COL21A1: variants seen among roughly 807,000 people sequenced by gnomAD.
COL21A1 encodes collagen alpha-1(XXI) chain.
In COL21A1, 149 loss-of-function variants were observed where a neutral mutation model predicts 137.9. That is an observed-to-expected ratio of 1.08 (90% CI 0.95 to 1.24). The LOEUF is 1.24. Ranked by LOEUF, COL21A1 falls within the 50% of genes most tolerant of loss-of-function variation. The pLI is 0.00. For missense variants in COL21A1, 1,167 were observed against 1,158.4 expected (o/e 1.01, Z -0.11); for synonymous variants, 456 against 391.5 (o/e 1.16, Z -1.95).
At chr6:56,062,802 C>G (rs1305870552) in intron 24 of COL21A1, among the ~76,000 whole-genome samples, 1 of 152,054 alleles carries the variant, frequency 6.6e-6, no homozygotes, top group Non-Finnish European at 1.5e-5. Context: ...GTGATCCTTA[C>G]AAGATATAAT....
At chr6:56,326,055 GTATTAA>G (rs1269295389) in intron 1 of COL21A1, among the ~76,000 whole-genome samples, 3 of 110,764 alleles carry the variant, frequency 2.7e-5, no homozygotes, top group Admixed American at 1.3e-4. Flanking sequence ...ATGTATACAA[GTATTAA>G]TATTAATACA....
chr6:56,331,427 C>T (rs191662985), intron 1 of COL21A1, among the ~76,000 whole-genome samples: 1 of 152,090 alleles, frequency 6.6e-6, no homozygotes, highest in East Asian at 1.9e-4. Context: ...ATATTTAAGT[C>T]ATTAATCCAT....
At chr6:56,123,910 T>C (rs577157937) in intron 16 of COL21A1, among the ~76,000 whole-genome samples, 152 bp downstream of exon 16, 1 of 152,342 alleles carries the variant, frequency 6.6e-6, no homozygotes, top group Admixed American at 6.5e-5. Context: ...TTCAGTAGCA[T>C]TTTTAAATTA....
intron 1 of COL21A1, among the ~76,000 whole-genome samples, chr6:56,284,548 A>G (rs4361616): frequency 0.86 from 130,615 of 152,040 alleles, 56,187 homozygotes; most frequent in East Asian, 0.91. Flanking sequence ...CCCCAATGTC[A>G]TTATTCTCCT....
intron 1 of COL21A1, among the ~76,000 whole-genome samples, chr6:56,270,308 A>C (rs1315217801): frequency 6.6e-6 from 1 of 152,250 alleles, no homozygotes; most frequent in African/African-American, 2.4e-5. Context: ...GACAACAATT[A>C]ATAAGGATAA....
intron 10 of COL21A1, among the ~76,000 whole-genome samples, chr6:56,152,443 G>T (rs1775396247): frequency 6.6e-6 from 1 of 152,060 alleles, no homozygotes. Flanking sequence ...CATCTTTGAG[G>T]GACCATTATT....
intron 28 of COL21A1, among the ~76,000 whole-genome samples, chr6:56,059,662 G>GA (rs764316025): frequency 8.7e-5 from 13 of 149,748 alleles, no homozygotes; most frequent in Non-Finnish European, 1.3e-4. Flanking sequence ...TCCTATAATA[G>GA]AAAAAAAAAT....
chr6:56,310,478 T>G (rs150517358), intron 1 of COL21A1, among the ~76,000 whole-genome samples: 1 of 152,196 alleles, frequency 6.6e-6, no homozygotes, highest in African/African-American at 2.4e-5. Flanking sequence ...TGAGAACCAC[T>G]GTCTTAAAGG....
At chr6:56,116,250 G>C (rs2876629) in intron 16 of COL21A1, among the ~76,000 whole-genome samples, 22,833 of 151,726 alleles carry the variant, frequency 0.15, 1,742 homozygotes, top group Middle Eastern at 0.23. Flanking sequence ...CAAGGATAAA[G>C]AAAGGATCCT....
chr6:56,149,277 A>G (rs1775094015), intron 10 of COL21A1, among the ~76,000 whole-genome samples: 2 of 152,236 alleles, frequency 1.3e-5, no homozygotes, highest in South Asian at 4.1e-4. Context: ...AGCTAATGCT[A>G]AAGAAAAATA....
chr6:56,251,575 G>T (rs1250466508), upstream of COL21A1, among the ~76,000 whole-genome samples: 1 of 152,198 alleles, frequency 6.6e-6, no homozygotes. Flanking sequence ...GGATGTGTGT[G>T]AGTGTGTATG....
intron 1 of COL21A1, among the ~76,000 whole-genome samples, chr6:56,268,427 G>A (rs946116132): frequency 4.6e-5 from 7 of 152,116 alleles, no homozygotes; most frequent in Non-Finnish European, 1.0e-4. Context: ...TGAACACAAG[G>A]AAATACAAAA....
At chr6:56,270,728 A>G (rs762304956) in intron 1 of COL21A1, among the ~76,000 whole-genome samples, 1 of 152,124 alleles carries the variant, frequency 6.6e-6, no homozygotes, top group African/African-American at 2.4e-5. Context: ...GGTTTCTCCA[A>G]TGCTGTTCTC....
At chr6:56,077,648 T>C (rs534310297) in intron 17 of COL21A1, 75 bp from the exon 18 acceptor site, 8 of 862,446 alleles carry the variant, frequency 9.3e-6, no homozygotes, top group East Asian at 5.4e-5. Context: ...ACAGTCACAA[T>C]TGGAATTTTA....
intron 16 of COL21A1, among the ~76,000 whole-genome samples, chr6:56,101,864 C>T (rs553174773): frequency 6.6e-6 from 1 of 152,104 alleles, no homozygotes; most frequent in African/African-American, 2.4e-5. Flanking sequence ...TATACTTTTT[C>T]ATTTTTATTT....
At chr6:56,387,109 T>C (rs2094019616) in intron 1 of COL21A1, among the ~76,000 whole-genome samples, 1 of 152,240 alleles carries the variant, frequency 6.6e-6, no homozygotes, top group Admixed American at 6.5e-5. Flanking sequence ...TAAATGCTTC[T>C]AAGGATAAGC....
intron 1 of COL21A1, among the ~76,000 whole-genome samples, chr6:56,284,244 G>T (rs1476380000): frequency 1.3e-5 from 2 of 152,028 alleles, no homozygotes; most frequent in Non-Finnish European, 2.9e-5. Flanking sequence ...TGGTAGAGTT[G>T]GGATTCACGA....
At chr6:56,128,014 T>C (rs1288841838) in intron 12 of COL21A1, among the ~76,000 whole-genome samples, 6 of 152,176 alleles carry the variant, frequency 3.9e-5, no homozygotes, top group Non-Finnish European at 8.8e-5. Context: ...CAGGCTCCTC[T>C]CAGCCACCTG....
intron 1 of COL21A1, among the ~76,000 whole-genome samples, chr6:56,343,093 A>G (rs1053552268): frequency 6.6e-6 from 1 of 152,206 alleles, no homozygotes; most frequent in Non-Finnish European, 1.5e-5. Context: ...AGTCCCAGGA[A>G]AATGATGTTT....
Sources: allele counts gnomAD v4.1 joint callset (sites outside exome capture counted in the v4.1 genomes callset), GRCh38; gene constraint gnomAD v4.1.1; transcripts MANE v1.5; gene names NCBI Gene and HGNC (gene_info 2026-07-23, HGNC 2026-07-21).